SORCS1: variants seen among roughly 807,000 people sequenced by gnomAD.
SORCS1 encodes sortilin related VPS10 domain containing receptor 1.
A neutral mutation model predicts 146.1 loss-of-function variants in SORCS1; 60 were observed. The ratio of observed to expected loss-of-function variants is 0.41; its 90% CI spans 0.33 to 0.51. SORCS1 has a LOEUF of 0.51. SORCS1 is among the 20% of genes least tolerant of loss of function. The pLI, the probability that SORCS1 is intolerant of heterozygous loss-of-function variation, is 0.21. For missense variants in SORCS1, 1,352 were observed against 1,487.6 expected (o/e 0.91, Z 1.50); for synonymous variants, 637 against 584.0 (o/e 1.09, Z -1.31).
At chr10:106,665,501 G>A (rs898493288) in intron 17 of SORCS1, among the ~76,000 whole-genome samples, 8 of 151,488 alleles carry the variant, frequency 5.3e-5, no homozygotes, top group Non-Finnish European at 1.0e-4. Flanking sequence ...GGGACTATAG[G>A]CATGTGCTAC....
chr10:107,082,465 CTTTT>C (rs530813553), intron 1 of SORCS1, among the ~76,000 whole-genome samples: 1 of 151,396 alleles, frequency 6.6e-6, no homozygotes, highest in African/African-American at 2.4e-5. Context: ...CTTCTCCTTT[CTTTT>C]TTTTTCTTTT....
intron 1 of SORCS1, among the ~76,000 whole-genome samples, chr10:107,139,003 A>G (rs1487459791): frequency 3.3e-5 from 5 of 152,172 alleles, no homozygotes; most frequent in Admixed American, 3.3e-4. Context: ...TCTGGTGCCA[A>G]CCAAATGAGG....
At chr10:107,072,875 C>T (rs562078641) in intron 1 of SORCS1, among the ~76,000 whole-genome samples, 1 of 152,038 alleles carries the variant, frequency 6.6e-6, no homozygotes, top group East Asian at 1.9e-4. Flanking sequence ...ACAGCCAGCT[C>T]GGGACACCAG....
chr10:106,969,825 C>T lies in SORCS1; in HGVS notation c.559-13245G>A, dbSNP rs1380397858. ...CTCCCAGCATTCAAAGGAGCCAGTG[C>T]CCATGAAGGCTCTGAATCTTAAGCT... On this transcript the variant is annotated intron_variant, in intron 1 of 25. Coordinates refer to ENST00000263054, the MANE Select transcript of SORCS1 (RefSeq NM_052918.5). Among the ~76,000 whole-genome samples, 3 of 152,292 alleles carry T rather than the reference C, an allele frequency of 2.0e-5. No individual in the cohort carries two copies. The East Asian group carries it at 5.8e-4, about 29-fold the overall frequency.
chr10:106,709,127 T>C, intron 7 of SORCS1, 96 bp downstream of exon 7: 1 of 892,064 alleles, frequency 1.1e-6, no homozygotes, highest in East Asian at 2.5e-5. Context: ...CCATCCTCTC[T>C]TTTTGACTCT....
At chr10:107,175,374 C>G in the SORCS1 span, among the ~76,000 whole-genome samples, 24 of 152,156 alleles carry the variant, frequency 1.6e-4, no homozygotes, top group Non-Finnish European at 2.8e-4. Flanking sequence ...ACTGACATTA[C>G]TTGGATCTGG....
At chr10:107,167,364 TTAATA>T (rs745744903), upstream of SORCS1, among the ~76,000 whole-genome samples, 15 of 152,318 alleles carry the variant, frequency 9.8e-5, no homozygotes, top group East Asian at 5.8e-4. Context: ...TAGATTTTTA[TTAATA>T]TAATATAATA....
At chr10:106,888,415 C>T (rs1164649436) in intron 2 of SORCS1, among the ~76,000 whole-genome samples, 1 of 152,178 alleles carries the variant, frequency 6.6e-6, no homozygotes, top group Non-Finnish European at 1.5e-5. Context: ...AATATCAAGA[C>T]TATCATCAAA....
At chr10:106,901,423 A>T (rs184733735) in intron 2 of SORCS1, among the ~76,000 whole-genome samples, 2 of 152,264 alleles carry the variant, frequency 1.3e-5, no homozygotes, top group Non-Finnish European at 2.9e-5. Context: ...AATTAAAGGT[A>T]TGCAGTTTTT....
chr10:106,886,598 T>A (rs1383822090), intron 2 of SORCS1, among the ~76,000 whole-genome samples: 1 of 152,100 alleles, frequency 6.6e-6, no homozygotes, highest in East Asian at 1.9e-4. Context: ...ACCAGGCTGG[T>A]CAGGAAAGAA....
intron 3 of SORCS1, among the ~76,000 whole-genome samples, chr10:106,779,752 T>C (rs566904973): frequency 9.7e-4 from 147 of 152,218 alleles, no homozygotes; most frequent in Non-Finnish European, 1.6e-3. Flanking sequence ...CCTCCCAAAG[T>C]GCTGGGATTA....
intron 1 of SORCS1, among the ~76,000 whole-genome samples, chr10:107,131,225 T>G (rs1190872432): frequency 6.6e-6 from 1 of 152,226 alleles, no homozygotes; most frequent in African/African-American, 2.4e-5. Flanking sequence ...GACATTATTA[T>G]TGGCATGTCC....
intron 22 of SORCS1, among the ~76,000 whole-genome samples, chr10:106,610,708 C>T (rs1026881563): frequency 2.0e-5 from 3 of 152,192 alleles, no homozygotes; most frequent in Non-Finnish European, 4.4e-5. Context: ...GGATAACTCA[C>T]TTCTGATTTT....
chr10:106,709,184 AG>A, intron 7 of SORCS1, 38 bp downstream of exon 7: 1 of 1,476,862 alleles, frequency 6.8e-7, no homozygotes, highest in Non-Finnish European at 9.5e-7. Flanking sequence ...AGGAAAAGAA[AG>A]GTTTCTGAGA....
chr10:107,172,835 A>G, the SORCS1 span, among the ~76,000 whole-genome samples: 2 of 152,200 alleles, frequency 1.3e-5, no homozygotes, highest in Non-Finnish European at 2.9e-5. Flanking sequence ...AACATCATCA[A>G]CTGAAAATGT....
chr10:106,780,910 T>C (rs1860839948), intron 3 of SORCS1, among the ~76,000 whole-genome samples: 1 of 152,082 alleles, frequency 6.6e-6, no homozygotes, highest in Admixed American at 6.5e-5. Flanking sequence ...GAAACTTTAT[T>C]TGCTTTTCCT....
chr10:107,023,029 A>C (rs1286045543), intron 1 of SORCS1, among the ~76,000 whole-genome samples: 1 of 152,210 alleles, frequency 6.6e-6, no homozygotes, highest in Non-Finnish European at 1.5e-5. Flanking sequence ...AGAGACGATA[A>C]GTGGTCAGTC....
At chr10:107,065,332 C>G (rs970141044) in intron 1 of SORCS1, among the ~76,000 whole-genome samples, 1 of 152,072 alleles carries the variant, frequency 6.6e-6, no homozygotes, top group African/African-American at 2.4e-5. Context: ...TGCAGCAAAT[C>G]GTATTTAATA....
At chr10:106,838,870 T>C (rs879891877) in intron 2 of SORCS1, among the ~76,000 whole-genome samples, 5 of 152,220 alleles carry the variant, frequency 3.3e-5, no homozygotes, top group African/African-American at 7.2e-5. Flanking sequence ...TCGTATCTGT[T>C]ATGGAGATCC....
Sources: gnomAD v4.1 joint callset for allele counts (sites outside exome capture counted in the v4.1 genomes callset) on GRCh38, gnomAD v4.1.1 for gene constraint, MANE v1.5 for transcripts, NCBI Gene and HGNC (gene_info 2026-07-23, HGNC 2026-07-21) for gene names.